Variants in ARAP2 observed in about 807,000 individuals in gnomAD.
ARAP2 encodes the protein ArfGAP with RhoGAP domain, ankyrin repeat and PH domain 2, also known as arf-GAP with Rho-GAP domain, ANK repeat and PH domain-containing protein 2.
Under a neutral mutation model 194.5 loss-of-function variants are expected in ARAP2, and 148 were observed. The ratio of observed to expected loss-of-function variants is 0.76; its 90% CI spans 0.67 to 0.87. The LOEUF (loss-of-function observed/expected upper bound fraction) is 0.87. Among genes scored for constraint, ARAP2 ranks in the 40% least tolerant of loss-of-function variants. ARAP2 has a pLI of 0.00. For missense variants in ARAP2, 2,128 were observed against 1,989.7 expected, an observed-to-expected ratio of 1.07 and a Z score of -1.32; for synonymous variants, 695 against 683.5, an observed-to-expected ratio of 1.02 and a Z score of -0.26.
At chr4:36,088,693 C>G (rs1712610890) in intron 28 of ARAP2, among the ~76,000 whole-genome samples, 1 of 152,074 alleles carries the variant, frequency 6.6e-6, no homozygotes, top group South Asian at 2.1e-4. Flanking sequence ...ATGATTTATT[C>G]ATGCCCACAT....
chr4:36,107,434 G>T, intron 27 of ARAP2, 131 bp downstream of exon 27: 2 of 890,716 alleles, frequency 2.2e-6, no homozygotes, highest in South Asian at 2.4e-5. Flanking sequence ...TCTTATATAT[G>T]TACTATCTCA....
At chr4:36,158,377 T>C (rs1405117148) in intron 15 of ARAP2, among the ~76,000 whole-genome samples, 1 of 152,200 alleles carries the variant, frequency 6.6e-6, no homozygotes, top group Non-Finnish European at 1.5e-5. Context: ...CATTTCTTCC[T>C]ATGTGTTCAC....
At chr4:36,101,190 T>C (rs866057345) in intron 27 of ARAP2, among the ~76,000 whole-genome samples, 2 of 151,948 alleles carry the variant, frequency 1.3e-5, no homozygotes, top group Non-Finnish European at 1.5e-5. Context: ...GATTTTGGTA[T>C]CCACGACAAG....
intron 5 of ARAP2, among the ~76,000 whole-genome samples, chr4:36,021,648 C>G (rs917456975): frequency 1.3e-5 from 2 of 152,104 alleles, no homozygotes; most frequent in Non-Finnish European, 2.9e-5. Context: ...GAACCATAAG[C>G]CAATTCAACC....
intron 1 of ARAP2, among the ~76,000 whole-genome samples, chr4:36,060,121 G>A (rs1401166872): frequency 6.6e-6 from 1 of 152,100 alleles, no homozygotes; most frequent in Non-Finnish European, 1.5e-5. Flanking sequence ...TAAAATCATG[G>A]TTTGGGTCAG....
intron 10 of ARAP2, among the ~76,000 whole-genome samples, chr4:36,166,140 T>C (rs1735233144): frequency 6.6e-6 from 1 of 152,128 alleles, no homozygotes. Flanking sequence ...TGGATGTATT[T>C]TGACATGCAA....
intron 6 of ARAP2, among the ~76,000 whole-genome samples, chr4:36,206,125 G>A (rs1169957445): frequency 6.6e-6 from 1 of 152,124 alleles, no homozygotes. Context: ...AAACACTTGC[G>A]TAGCCAGGTG....
At chr4:36,057,393 G>T (rs1284950940) in intron 2 of ARAP2, among the ~76,000 whole-genome samples, 1 of 149,732 alleles carries the variant, frequency 6.7e-6, no homozygotes, top group Non-Finnish European at 1.5e-5. Context: ...CTAACATATT[G>T]AATCTATTGG....
chr4:36,092,133 G>A (rs573415964), intron 27 of ARAP2, 113 bp from the exon 28 acceptor site: 47 of 1,231,440 alleles, frequency 3.8e-5, no homozygotes, highest in African/African-American at 3.0e-4. Flanking sequence ...GTTTACTACC[G>A]CTAAAGTCTA....
At chr4:36,010,580 A>C (rs1343334028) in intron 9 of ARAP2, among the ~76,000 whole-genome samples, 1 of 152,130 alleles carries the variant, frequency 6.6e-6, no homozygotes, top group African/African-American at 2.4e-5. Context: ...TGCTTATCAA[A>C]GACAACAATT....
chr4:36,239,654 T>G (rs891919650), intron 1 of ARAP2, among the ~76,000 whole-genome samples: 3 of 152,234 alleles, frequency 2.0e-5, no homozygotes, highest in African/African-American at 7.2e-5. Flanking sequence ...GCATAGAGTT[T>G]CAGTTCTACC....
At chr4:36,191,086 A>G (rs1394180333) in intron 7 of ARAP2, among the ~76,000 whole-genome samples, 1 of 152,240 alleles carries the variant, frequency 6.6e-6, no homozygotes, top group Non-Finnish European at 1.5e-5. Flanking sequence ...GTAGAGACTG[A>G]GACCAGACAG....
chr4:36,007,377 A>G (rs759896789), intron 9 of ARAP2, among the ~76,000 whole-genome samples: 1 of 152,206 alleles, frequency 6.6e-6, no homozygotes, highest in Non-Finnish European at 1.5e-5. Flanking sequence ...AGGATGAGAA[A>G]AACAAATGAA....
At position 36,196,323 on chromosome 4, in the gene ARAP2, C is replaced by T. The variant is rs138285610; in HGVS notation, c.1488-2676G>A. On this transcript the variant is annotated intron_variant, in intron 6 of 32. Transcript: ENST00000303965. ...AAAGGAGGAGGGGAAGAGGGAGGGCCGATAGCTTACTCATGTGTTAGGCTT... is the reference window on the plus strand; with the variant it reads ...AAAGGAGGAGGGGAAGAGGGAGGGCTGATAGCTTACTCATGTGTTAGGCTT... Among the ~76,000 whole-genome samples the T allele has an allele frequency of 3.5e-3, 532 of 152,100 alleles. 2 individuals are homozygous for T. Among genetic ancestry groups the T allele is most frequent in the Middle Eastern group, 0.014 (4 of 294 alleles).
Position 36,167,924 on chromosome 4 carries a change from A to G in ARAP2, c.1858-877T>C, listed in dbSNP as rs544868979. On this transcript the variant is annotated intron_variant, in intron 9 of 32. Coordinates refer to ENST00000303965, the MANE Select transcript of ARAP2 (RefSeq NM_015230.4). Reference sequence around the variant, plus strand: ...TTACAAAACAATATGTACATCAAAAAATGACCTATTTGAATAAATTCAGAC... The same window carrying G: ...TTACAAAACAATATGTACATCAAAAGATGACCTATTTGAATAAATTCAGAC... Among the ~76,000 whole-genome samples the G allele has an allele frequency of 5.9e-5, 9 of 152,272 alleles. No individual in the cohort carries two copies. In the South Asian group the frequency reaches 1.9e-3, roughly 32 times the overall value.
rs201125587 is a variant in ARAP2 at position 36,161,546 on chromosome 4, C to G, written c.2178G>C (p.Gln726His). 5.3e-5 allele frequency: 85 copies of G among 1,611,654 alleles called. No homozygotes were observed. Among genetic ancestry groups the G allele is most frequent in the Middle Eastern group, 3.3e-4 (2 of 6,058 alleles). ...CVVICKKCAGQHRSLGPKDSK... is the reference protein window; with the variant it reads ...CVVICKKCAGHHRSLGPKDSK... ...AATCTTTTGGTCCTAAAGATCTATGCTGTCCTAGAGTCAAAACACAATTGC... is the reference window on the plus strand; with the variant it reads ...AATCTTTTGGTCCTAAAGATCTATGGTGTCCTAGAGTCAAAACACAATTGC... The change falls in exon 12 of 33, where the codon CAG becomes CAC. Residue 726 changes from glutamine (Q) to histidine (H), a missense_variant. Physicochemically the swap from Gln to His is conservative, Grantham distance 24. Coordinates refer to ENST00000303965, the MANE Select transcript of ARAP2 (RefSeq NM_015230.4).
chr4:36,127,337 T>A (rs1004566045), intron 21 of ARAP2, among the ~76,000 whole-genome samples: 1 of 152,052 alleles, frequency 6.6e-6, no homozygotes, highest in Non-Finnish European at 1.5e-5. Context: ...CTTCTTGTGA[T>A]TACAGTGAAC....
intron 6 of ARAP2, among the ~76,000 whole-genome samples, chr4:36,199,603 T>C (rs939832293): frequency 2.0e-5 from 3 of 152,060 alleles, no homozygotes; most frequent in African/African-American, 7.2e-5. Flanking sequence ...TTAAAAACTT[T>C]TTAACCAACA....
At chr4:36,196,992 T>C (rs1184951338) in intron 6 of ARAP2, among the ~76,000 whole-genome samples, 1 of 151,828 alleles carries the variant, frequency 6.6e-6, no homozygotes, top group Non-Finnish European at 1.5e-5. Flanking sequence ...TAGGTCTCTT[T>C]GTTCTCTTGC....
Sources: gnomAD v4.1 joint callset for allele counts (sites outside exome capture counted in the v4.1 genomes callset) on GRCh38, gnomAD v4.1.1 for gene constraint, MANE v1.5 for transcripts, NCBI Gene and HGNC (gene_info 2026-07-23, HGNC 2026-07-21) for gene names.